STAU2: variants seen among roughly 807,000 people sequenced by gnomAD.
The protein encoded by STAU2 is staufen double-stranded RNA binding protein 2, also known as double-stranded RNA-binding protein Staufen homolog 2.
In STAU2, 20 loss-of-function variants were observed where a neutral mutation model predicts 65.9. The ratio of observed to expected loss-of-function variants is 0.30; its 90% confidence interval spans 0.21 to 0.44. The LOEUF is 0.44. Among genes scored for constraint, STAU2 ranks in the 20% least tolerant of loss-of-function variants. The probability of loss-of-function intolerance (pLI) is 1.00; values close to 1 mark genes in which losing one functional copy is unlikely to be tolerated. For synonymous variants in STAU2, 232 were observed against 233.9 expected, an observed-to-expected ratio of 0.99 and a Z score of 0.07; for missense variants, 558 against 683.9, an observed-to-expected ratio of 0.82 and a Z score of 2.05.
chr8:73,710,682 T>C (rs1338187542), intron 3 of STAU2, among the ~76,000 whole-genome samples: 3 of 152,146 alleles, frequency 2.0e-5, no homozygotes, highest in African/African-American at 7.2e-5. Context: ...ATATTTTTCC[T>C]TTCTCTCATT....
chr8:73,655,188 C>T (rs1315865441), intron 6 of STAU2, among the ~76,000 whole-genome samples: 1 of 152,172 alleles, frequency 6.6e-6, no homozygotes, highest in Non-Finnish European at 1.5e-5. Flanking sequence ...TTTCTTCTTA[C>T]AGCTAAAGTT....
intron 13 of STAU2, among the ~76,000 whole-genome samples, chr8:73,540,655 G>A (rs1016665215): frequency 1.6e-4 from 25 of 152,004 alleles, no homozygotes; most frequent in African/African-American, 5.6e-4. Context: ...TCTGACAACA[G>A]GAGAATGAAT....
chr8:73,633,643 T>C (rs753120985), intron 6 of STAU2, among the ~76,000 whole-genome samples: 19 of 152,018 alleles, frequency 1.2e-4, no homozygotes, highest in Admixed American at 9.2e-4. Context: ...ATACCGGAAG[T>C]ACATGAGGAG....
intron 13 of STAU2, among the ~76,000 whole-genome samples, chr8:73,488,028 CAA>C (rs1821001880): frequency 6.6e-6 from 1 of 151,816 alleles, no homozygotes; most frequent in African/African-American, 2.4e-5. Flanking sequence ...TAAGCTAGGC[CAA>C]TTAGTTTGTT....
At chr8:73,741,171 G>A (rs1182215586) in intron 1 of STAU2, among the ~76,000 whole-genome samples, 1 of 148,208 alleles carries the variant, frequency 6.7e-6, no homozygotes, top group Non-Finnish European at 1.5e-5. Flanking sequence ...CGGGCGTGGT[G>A]GCGGGCGCCT....
intron 3 of STAU2, among the ~76,000 whole-genome samples, chr8:73,726,022 T>TTA (rs1805596720): frequency 6.6e-6 from 1 of 151,830 alleles, no homozygotes; most frequent in Non-Finnish European, 1.5e-5. Flanking sequence ...TTTTTTTTTT[T>TTA]AATATTTCTT....
upstream of STAU2, chr8:73,747,240 C>T: frequency 1.1e-6 from 1 of 941,858 alleles, no homozygotes; most frequent in Non-Finnish European, 1.5e-6. Context: ...TCTCCTCGTC[C>T]CCGGCGCGAC....
chr8:73,687,337 T>TTTATATTTATAAATATAAA (rs1818961703), intron 5 of STAU2, among the ~76,000 whole-genome samples: 1 of 100,904 alleles, frequency 9.9e-6, no homozygotes, highest in Admixed American at 1.2e-4. Context: ...ATAAATATAA[T>TTTATATTTATAAATATAAA]TTATATTTAT....
intron 13 of STAU2, among the ~76,000 whole-genome samples, chr8:73,473,567 G>T (rs966669165): frequency 1.3e-5 from 2 of 152,154 alleles, no homozygotes; most frequent in Admixed American, 6.5e-5. Context: ...AAGCCAGAGG[G>T]CTGTGTGAGG....
chr8:73,591,002 G>A (rs183818528), intron 11 of STAU2: 129 of 152,242 alleles, frequency 8.5e-4, no homozygotes, highest in African/African-American at 3.1e-3. Context: ...CTACAGATCT[G>A]CTAAAATAAG....
intron 3 of STAU2, among the ~76,000 whole-genome samples, chr8:73,727,236 AT>A (rs1353082360): frequency 2.0e-5 from 3 of 152,208 alleles, no homozygotes; most frequent in Non-Finnish European, 4.4e-5. Context: ...TCTCAAAAAA[AT>A]AAATAAATAA....
chr8:73,681,483 C>G (rs184544893), intron 5 of STAU2, among the ~76,000 whole-genome samples: 1 of 152,232 alleles, frequency 6.6e-6, no homozygotes, highest in Admixed American at 6.5e-5. Flanking sequence ...AATCTTGAAA[C>G]AAAGCCTCAG....
At chr8:73,514,892 A>C (rs2128925589) in intron 13 of STAU2, among the ~76,000 whole-genome samples, 1 of 152,296 alleles carries the variant, frequency 6.6e-6, no homozygotes, top group Non-Finnish European at 1.5e-5. Flanking sequence ...ACTTTTAATT[A>C]TAATCAATTT....
chr8:73,744,674 A>C (rs906556869), intron 1 of STAU2, among the ~76,000 whole-genome samples: 2 of 152,214 alleles, frequency 1.3e-5, no homozygotes, highest in Non-Finnish European at 2.9e-5. Flanking sequence ...AAGCCAAGTA[A>C]GCTAAAATGT....
At chr8:73,674,524 T>C (rs767140993) in intron 5 of STAU2, among the ~76,000 whole-genome samples, 13 of 151,924 alleles carry the variant, frequency 8.6e-5, no homozygotes, top group Non-Finnish European at 1.6e-4. Context: ...CCTAATTGAT[T>C]GGTGGCCCTA....
rs536244400 is a variant in STAU2, at chr8:73,459,177, A to G, written c.1531-36475T>C. ...ACTTGCCAAGGTTTTTATATTACTAAGGTAAATGCAGAGACATAATTTGAA... is the reference window on the plus strand; with the variant it reads ...ACTTGCCAAGGTTTTTATATTACTAGGGTAAATGCAGAGACATAATTTGAA... On this transcript the variant is annotated intron_variant, in intron 13 of 14. Transcript: ENST00000524300. Among the ~76,000 whole-genome samples, 3 of 152,312 alleles carry G rather than the reference A, an allele frequency of 2.0e-5. No individual in the cohort carries two copies. The East Asian group carries it at 5.8e-4, about 29-fold the overall frequency.
rs576967652 is a variant in STAU2, at chr8:73,638,500, C to CT, written c.411-21050dup. 1.8e-3 allele frequency among the ~76,000 whole-genome samples: 244 copies of CT among 133,726 alleles called. 1 individual carries two copies. Among genetic ancestry groups the CT allele is most frequent in the African/African-American group, 3.1e-3 (115 of 37,020 alleles). 87.7% of individuals were successfully genotyped at this position (133,726 alleles called of 152,430 possible). Reference sequence around the variant, plus strand: ...TATAACCCAGGTCATTTGAAATATTCTTTTTTTTTTTTTTTTTTAAAAAGA... The same window carrying CT: ...TATAACCCAGGTCATTTGAAATATTCTTTTTTTTTTTTTTTTTTTAAAAAGA... On this transcript the variant is annotated intron_variant, in intron 6 of 14. Coordinates refer to ENST00000524300, the MANE Select transcript of STAU2 (RefSeq NM_001164380.2).
chr8:73,713,369 T>G (rs914855105), intron 3 of STAU2, among the ~76,000 whole-genome samples: 6 of 152,104 alleles, frequency 3.9e-5, no homozygotes, highest in African/African-American at 1.4e-4. Context: ...TACAAAATAA[T>G]GTAGCTCACA....
At chr8:73,479,472 G>GCACACA (rs5892420) in intron 13 of STAU2, among the ~76,000 whole-genome samples, 2,708 of 139,902 alleles carry the variant, frequency 0.019, 42 homozygotes, top group Non-Finnish European at 0.029. Flanking sequence ...TCCCTATTCT[G>GCACACA]CACACACACA....
Sources: gnomAD v4.1 joint callset for allele counts (sites outside exome capture counted in the v4.1 genomes callset) on GRCh38, gnomAD v4.1.1 for gene constraint, MANE v1.5 for transcripts, NCBI Gene and HGNC (gene_info 2026-07-23, HGNC 2026-07-21) for gene names.